PLEKHA5: variants seen among roughly 807,000 people sequenced by gnomAD.
PLEKHA5 encodes the protein pleckstrin homology domain-containing family A member 5.
PLEKHA5 carries 55 observed loss-of-function variants against 181.9 expected under a neutral mutation model. The observed-to-expected ratio is 0.30, with a 90% CI of 0.24 to 0.38. The LOEUF (loss-of-function observed/expected upper bound fraction) is 0.38, where lower values mean the gene tolerates loss of function less well. Among genes scored for constraint, PLEKHA5 ranks in the 10% least tolerant of loss-of-function variants. The probability of loss-of-function intolerance (pLI) is 1.00; values close to 1 mark genes in which losing one functional copy is unlikely to be tolerated. For missense variants in PLEKHA5, 1,432 were observed against 1,549.5 expected, an observed-to-expected ratio of 0.92 and a Z score of 1.27; for synonymous variants, 535 against 529.4, an observed-to-expected ratio of 1.01 and a Z score of -0.15.
chr12:19,339,973 A>G (rs2093729462), intron 21 of PLEKHA5, among the ~76,000 whole-genome samples: 1 of 152,204 alleles, frequency 6.6e-6, no homozygotes, highest in African/African-American at 2.4e-5. Flanking sequence ...GAAAAAATAG[A>G]CCAATGGAAC....
intron 20 of PLEKHA5, among the ~76,000 whole-genome samples, chr12:19,324,873 A>T (rs879795193): frequency 4.6e-5 from 7 of 152,224 alleles, no homozygotes; most frequent in Admixed American, 4.6e-4. Flanking sequence ...TGAGAAGCTC[A>T]GGGTCTCTGT....
At chr12:19,325,637 G>A (rs141358794) in intron 20 of PLEKHA5, among the ~76,000 whole-genome samples, 13,009 of 150,346 alleles carry the variant, frequency 0.087, 747 homozygotes, top group Admixed American at 0.17. Context: ...GCAGTGAGCC[G>A]AGATCGTGCC....
At chr12:19,335,516 A>G (rs930823355) in intron 20 of PLEKHA5, among the ~76,000 whole-genome samples, 3 of 151,380 alleles carry the variant, frequency 2.0e-5, no homozygotes, top group Admixed American at 6.6e-5. Context: ...CCCAGGTTCA[A>G]GCGATTCTCC....
At chr12:19,239,403 C>CT (rs1435383072) in intron 3 of PLEKHA5, among the ~76,000 whole-genome samples, 2 of 152,128 alleles carry the variant, frequency 1.3e-5, no homozygotes, top group Non-Finnish European at 2.9e-5. Flanking sequence ...CTATTGGAAA[C>CT]TGGGTTACTT....
At chr12:19,158,438 T>C (rs1325288779) in intron 3 of PLEKHA5, among the ~76,000 whole-genome samples, 2 of 152,242 alleles carry the variant, frequency 1.3e-5, no homozygotes, top group South Asian at 2.1e-4. Flanking sequence ...GTGGCTGTGG[T>C]ATGCTGGTGG....
At chr12:19,258,689 C>T (rs544370081) in intron 6 of PLEKHA5, among the ~76,000 whole-genome samples, 5 of 151,674 alleles carry the variant, frequency 3.3e-5, no homozygotes, top group East Asian at 2.0e-4. Flanking sequence ...CTCAGCTTCA[C>T]GAGTAGCTGG....
chr12:19,167,657 G>A (rs2044805503), intron 3 of PLEKHA5, among the ~76,000 whole-genome samples: 1 of 151,846 alleles, frequency 6.6e-6, no homozygotes. Flanking sequence ...TCTTTACTGG[G>A]CTTTCTTGTT....
intron 3 of PLEKHA5, among the ~76,000 whole-genome samples, chr12:19,199,837 C>A (rs2053769272): frequency 6.6e-6 from 1 of 152,060 alleles, no homozygotes; most frequent in Admixed American, 6.6e-5. Flanking sequence ...GAAATCATGT[C>A]TTTTGCAGCA....
intron 8 of PLEKHA5, among the ~76,000 whole-genome samples, chr12:19,266,246 G>A (rs2070341033): frequency 6.6e-6 from 1 of 151,850 alleles, no homozygotes; most frequent in Non-Finnish European, 1.5e-5. Context: ...GACCAAGGTG[G>A]GAGGATCACT....
chr12:19,250,609 A>T (rs905029888), intron 3 of PLEKHA5, among the ~76,000 whole-genome samples: 5 of 152,144 alleles, frequency 3.3e-5, no homozygotes, highest in South Asian at 2.1e-4. Flanking sequence ...TAAAATAAAA[A>T]AAAATAAAGA....
intron 21 of PLEKHA5, among the ~76,000 whole-genome samples, chr12:19,342,515 G>C (rs377546874): frequency 2.6e-5 from 4 of 152,282 alleles, no homozygotes; most frequent in South Asian, 2.1e-4. Context: ...AATTAGCCGG[G>C]TGTGGTGGCA....
intron 3 of PLEKHA5, among the ~76,000 whole-genome samples, chr12:19,223,066 GT>G (rs2059215884): frequency 6.9e-6 from 1 of 144,050 alleles, no homozygotes; most frequent in African/African-American, 2.6e-5. Flanking sequence ...TAGCTTTGCA[GT>G]TAGGCAGGCC....
In PLEKHA5 at chr12:19,354,239, C is replaced by T. The variant is rs368450674; in HGVS notation, c.3138+237C>T. On this transcript the variant is annotated intron_variant, in intron 26 of 31. Coordinates refer to ENST00000429027, the MANE Select transcript of PLEKHA5 (RefSeq NM_001256470.2). ...CGATCTCGGCTCACTGCAAGCTCCG[C>T]CTCCCGGGTTCACGCCATTCTCCTG... Among the ~76,000 whole-genome samples, 9 of 141,136 alleles carry T rather than the reference C, an allele frequency of 6.4e-5. No individual in the cohort carries two copies. In the East Asian group the frequency reaches 1.1e-3, roughly 17 times the overall value. The allele number at this position is 141,136 out of a possible 152,430, so 92.6% of individuals were successfully genotyped here.
At chr12:19,257,228 C>A (rs963882193) in intron 5 of PLEKHA5, among the ~76,000 whole-genome samples, 1 of 151,980 alleles carries the variant, frequency 6.6e-6, no homozygotes, top group African/African-American at 2.4e-5. Flanking sequence ...ACTTGTGATA[C>A]CCTGGGGGAA....
intron 25 of PLEKHA5, among the ~76,000 whole-genome samples, chr12:19,352,076 CAA>C (rs1188985121): frequency 3.0e-4 from 12 of 39,840 alleles, no homozygotes; most frequent in Non-Finnish European, 3.6e-4. Flanking sequence ...AACTCCATCT[CAA>C]AAAAAAAAAA....
chr12:19,346,220 G>T (rs777083322), intron 23 of PLEKHA5, among the ~76,000 whole-genome samples: 2 of 152,100 alleles, frequency 1.3e-5, no homozygotes, highest in Non-Finnish European at 2.9e-5. Flanking sequence ...TAGATAAGTT[G>T]GTTGTATGTC....
intron 3 of PLEKHA5, among the ~76,000 whole-genome samples, chr12:19,245,202 G>A (rs2063426529): frequency 6.6e-6 from 1 of 152,196 alleles, no homozygotes; most frequent in African/African-American, 2.4e-5. Flanking sequence ...TTTTGAATAT[G>A]CTAGCGCAGA....
Position 19,170,485 on chromosome 12 carries a change from G to A in PLEKHA5, c.227+38035G>A, listed in dbSNP as rs558841187. ...TCTGTTGCCCAGGCTGGAGTGCAGC[G>A]GCACAATTTCCACTCCTGCAACCTC... is the stretch of plus-strand genomic sequence containing the variant. On this transcript the variant is annotated intron_variant, in intron 3 of 31. Coordinates refer to ENST00000429027, the MANE Select transcript of PLEKHA5 (RefSeq NM_001256470.2). Among the ~76,000 whole-genome samples the A allele has an allele frequency of 2.6e-5, 4 of 151,564 alleles. No individual in the cohort carries two copies. The East Asian group carries it at 5.8e-4, about 22-fold the overall frequency.
At chr12:19,283,004 G>A (rs1022343909) in intron 11 of PLEKHA5, among the ~76,000 whole-genome samples, 4 of 151,588 alleles carry the variant, frequency 2.6e-5, no homozygotes, top group African/African-American at 4.8e-5. Context: ...AAGATCAGCC[G>A]GGCATGGTGG....
Sources: gnomAD v4.1 joint callset for allele counts (sites outside exome capture counted in the v4.1 genomes callset) on GRCh38, gnomAD v4.1.1 for gene constraint, MANE v1.5 for transcripts, NCBI Gene and HGNC (gene_info 2026-07-23, HGNC 2026-07-21) for gene names.